Variants in PCDH19 observed in about 807,000 individuals in gnomAD.
PCDH19 encodes protocadherin 19.
A neutral mutation model predicts 46.2 loss-of-function variants in PCDH19; 6 were observed. The observed-to-expected ratio is 0.13, with a 90% CI of 0.07 to 0.26. The LOEUF is 0.26. PCDH19 is among the 10% of genes least tolerant of loss of function. The probability of loss-of-function intolerance (pLI) is 1.00; values close to 1 mark genes in which losing one functional copy is unlikely to be tolerated. For synonymous variants in PCDH19, 481 were observed against 415.7 expected (o/e 1.16, Z -1.91); for missense variants, 740 against 972.3 (o/e 0.76, Z 3.18).
intron 3 of PCDH19, among the ~76,000 whole-genome samples, chrX:100,388,868 C>T (rs757759616): frequency 7.2e-4 from 80 of 111,018 alleles, no homozygotes; most frequent in Non-Finnish European, 1.3e-3. Context: ...TTTACACATT[C>T]CTGTGTTCCT....
chrX:100,392,714 T>A lies in PCDH19; in HGVS notation c.2616+9810A>T, dbSNP rs745411201. ...CTGGCAGAACAGAGGAGGAAATCAG[T>A]CTTCCAACAAGCCGTTCACCATTAC... On this transcript the variant is annotated intron_variant, in intron 3 of 5. Coordinates refer to ENST00000373034, the MANE Select transcript of PCDH19 (RefSeq NM_001184880.2). Among the ~76,000 whole-genome samples the A allele has an allele frequency of 1.1e-4, 12 of 111,899 alleles. No individual in the cohort carries two copies. The South Asian group carries it at 4.6e-3, about 43-fold the overall frequency.
chrX:100,354,709 T>C (rs978190731), intron 3 of PCDH19, among the ~76,000 whole-genome samples: 26 of 112,061 alleles, frequency 2.3e-4, no homozygotes, highest in African/African-American at 8.4e-4. Flanking sequence ...CATGAATGTA[T>C]TGGCTCCTAG....
rs142870271 is a variant in PCDH19, at chrX:100,402,276, T to C, written c.2616+248A>G. 3.6e-3 allele frequency among the ~76,000 whole-genome samples: 409 copies of C among 112,351 alleles called. 1 individual carries two copies. The highest frequency in any genetic ancestry group is 0.012 in the African/African-American group (381 of 30,947). ...AACTTGAGTTATGCCAGGATAATGA[T>C]TTCAAGGGCTCAGACTCTTTGAGTT... On this transcript the variant is annotated intron_variant, in intron 3 of 5. Coordinates refer to ENST00000373034, the MANE Select transcript of PCDH19 (RefSeq NM_001184880.2).
intron 3 of PCDH19, among the ~76,000 whole-genome samples, chrX:100,362,945 T>C (rs962340472): frequency 6.3e-5 from 7 of 111,481 alleles, no homozygotes; most frequent in Non-Finnish European, 1.3e-4. Context: ...AAAAAGTTCT[T>C]ACTAGCTGTG....
intron 3 of PCDH19, among the ~76,000 whole-genome samples, chrX:100,371,882 A>C (rs927507592): frequency 3.1e-4 from 30 of 97,749 alleles, no homozygotes; most frequent in African/African-American, 1.3e-3. Flanking sequence ...ACACACACAC[A>C]CCCACACAAA....
chrX:100,310,060 T>C (rs995592981), intron 5 of PCDH19, among the ~76,000 whole-genome samples: 3 of 112,207 alleles, frequency 2.7e-5, no homozygotes, highest in African/African-American at 9.7e-5. Flanking sequence ...TGAAAATAGA[T>C]TAAAAAGATG....
At chrX:100,400,957 G>T (rs1375343400) in intron 3 of PCDH19, among the ~76,000 whole-genome samples, 1 of 111,211 alleles carries the variant, frequency 9.0e-6, no homozygotes, top group African/African-American at 3.3e-5. Flanking sequence ...CTTCAGTCTC[G>T]TCCTCCCTCT....
At chrX:100,311,012 A>T (rs751872029) in intron 5 of PCDH19, among the ~76,000 whole-genome samples, 30 of 91,525 alleles carry the variant, frequency 3.3e-4, no homozygotes, top group Non-Finnish European at 5.9e-4. Context: ...CTGGCTAATT[A>T]AAAAAAAAAA....
At position 100,402,768 on chromosome X, in the gene PCDH19, C is replaced by G; in HGVS notation, c.2372G>C (p.Arg791Pro). 8.3e-7 allele frequency: 1 copy of G among 1,210,647 alleles called. No homozygotes were observed. Among genetic ancestry groups the G allele is most frequent in the Non-Finnish European group, 1.1e-6 (1 of 894,566 alleles). The change falls in exon 3 of 6, where the codon CGG (arginine) becomes CCG (proline). Residue 791 changes from arginine to proline, a missense_variant. Physicochemically the swap from Arg to Pro is moderately radical, Grantham distance 103. This residue lies in a region of PCDH19 where 416 missense variants were observed against 476.8 expected (regional missense o/e 0.87). Transcript: ENST00000373034. Reference protein sequence around the residue: ...ISKNDIRLVPRDVEETDKMNV... With the variant: ...ISKNDIRLVPPDVEETDKMNV... ...CATCTTGTCTGTCTCCTCCACATCC[C>G]GGGGTACCAGGCGGATGTCATTCTT... is the stretch of plus-strand genomic sequence containing the variant.
chrX:100,393,017 T>C (rs1279913603), intron 3 of PCDH19, among the ~76,000 whole-genome samples: 1 of 111,268 alleles, frequency 9.0e-6, no homozygotes, highest in African/African-American at 3.3e-5. Context: ...GAAAGCTTGA[T>C]ACAGAATTGT....
intron 3 of PCDH19, among the ~76,000 whole-genome samples, chrX:100,382,964 C>A (rs1927599046): frequency 8.9e-6 from 1 of 112,339 alleles, no homozygotes; most frequent in African/African-American, 3.2e-5. Context: ...GAAAAGCACA[C>A]TGAGGTGGAA....
chrX:100,328,184 T>A (rs1174584915), intron 5 of PCDH19, among the ~76,000 whole-genome samples: 1 of 112,213 alleles, frequency 8.9e-6, no homozygotes, highest in Non-Finnish European at 1.9e-5. Context: ...GCTAGGTAAT[T>A]TTTTATTTTA....
intron 3 of PCDH19, 22 bp from the exon 4 acceptor site, chrX:100,350,726 A>T (rs1482666262): frequency 8.8e-6 from 9 of 1,021,421 alleles, no homozygotes; most frequent in African/African-American, 1.9e-5. Context: ...AGAAAAAATT[A>T]AAAAGGTTAC....
intron 3 of PCDH19, among the ~76,000 whole-genome samples, chrX:100,383,425 A>G (rs953006607): frequency 8.9e-6 from 1 of 112,369 alleles, no homozygotes; most frequent in African/African-American, 3.2e-5. Context: ...TAGAGATGCA[A>G]AAGTCAAGAG....
Position 100,406,885 on chromosome X carries a change from G to A in PCDH19, c.1713C>T (p.Gly571=), listed in dbSNP as rs756289150. Residue 571 remains glycine (G), a synonymous_variant, in exon 1 of 6, where the codon GGC becomes GGT. Coordinates refer to ENST00000373034, the MANE Select transcript of PCDH19 (RefSeq NM_001184880.2). ...TGCGGGGTATGTAGACCTCGGCAGTGCCGTTAATCAGAGGTGGGGCTGTGA... is the reference window on the plus strand; with the variant it reads ...TGCGGGGTATGTAGACCTCGGCAGTACCGTTAATCAGAGGTGGGGCTGTGA... ...PVITAPPLIN[G]TAEVYIPRNS... 1.7e-6 allele frequency: 2 copies of A among 1,211,540 alleles called. No homozygotes were observed. Among genetic ancestry groups the A allele is most frequent in the East Asian group, 3.0e-5 (1 of 33,830 alleles).
intron 3 of PCDH19, among the ~76,000 whole-genome samples, chrX:100,357,757 C>T (rs189860241): frequency 6.2e-5 from 7 of 112,239 alleles, no homozygotes; most frequent in Non-Finnish European, 1.1e-4. Context: ...TTATGCATTT[C>T]CTCAGGTTCT....
At chrX:100,326,203 A>C (rs969673348) in intron 5 of PCDH19, among the ~76,000 whole-genome samples, 1 of 111,743 alleles carries the variant, frequency 8.9e-6, no homozygotes, top group African/African-American at 3.3e-5. Context: ...TTATTTTTCC[A>C]CTACAAAATG....
At chrX:100,348,065 C>CAAAAAAAA (rs1177957771) in intron 4 of PCDH19, among the ~76,000 whole-genome samples, 27 of 40,407 alleles carry the variant, frequency 6.7e-4, no homozygotes, top group Non-Finnish European at 7.9e-4. Flanking sequence ...GATTCCGTCT[C>CAAAAAAAA]AAAAAAAAAA....
intron 3 of PCDH19, among the ~76,000 whole-genome samples, chrX:100,386,012 C>T (rs189478137): frequency 1.6e-4 from 18 of 112,069 alleles, no homozygotes; most frequent in African/African-American, 5.8e-4. Context: ...ATTCAACAAA[C>T]ATTTATTGGG....
Sources: allele counts gnomAD v4.1 joint callset (sites outside exome capture counted in the v4.1 genomes callset), GRCh38; gene constraint gnomAD v4.1.1; regional missense constraint gnomAD v4.1.1; transcripts MANE v1.5; gene names NCBI Gene and HGNC (gene_info 2026-07-23, HGNC 2026-07-21).